ULK4: variants seen among roughly 807,000 people sequenced by gnomAD.
ULK4 encodes unc-51 like kinase 4, also known as inactive serine/threonine-protein kinase ULK4.
ULK4 carries 133 observed loss-of-function variants against 160.6 expected under a neutral mutation model. The ratio of observed to expected loss-of-function variants is 0.83; its 90% CI spans 0.72 to 0.96. ULK4 has a LOEUF of 0.96. ULK4 is among the 40% of genes least tolerant of loss of function. The probability of loss-of-function intolerance (pLI) is 0.00; values close to 1 mark genes in which losing one functional copy is unlikely to be tolerated. For synonymous variants in ULK4, 534 were observed against 539.8 expected, an observed-to-expected ratio of 0.99 and a Z score of 0.15; for missense variants, 1,580 against 1,499.5, an observed-to-expected ratio of 1.05 and a Z score of -0.89.
chr3:41,659,653 G>A (rs934138940), intron 30 of ULK4, among the ~76,000 whole-genome samples: 8 of 149,060 alleles, frequency 5.4e-5, no homozygotes, highest in Non-Finnish European at 1.0e-4. Flanking sequence ...AAACCCAAGG[G>A]AAAGAAATTT....
chr3:41,827,642 T>C (rs2041409491), intron 18 of ULK4, among the ~76,000 whole-genome samples: 1 of 152,096 alleles, frequency 6.6e-6, no homozygotes, highest in Non-Finnish European at 1.5e-5. Flanking sequence ...GGATCTGAAA[T>C]TGAGGCAATA....
At chr3:41,800,108 C>A (rs781333616) in intron 20 of ULK4, 24 bp downstream of exon 20, 4 of 1,546,416 alleles carry the variant, frequency 2.6e-6, no homozygotes, top group Non-Finnish European at 3.5e-6. Flanking sequence ...CCAGACATAT[C>A]CCCCAAAAGA....
intron 3 of ULK4, among the ~76,000 whole-genome samples, chr3:41,936,779 G>A (rs1451188646): frequency 6.6e-6 from 1 of 152,158 alleles, no homozygotes; most frequent in African/African-American, 2.4e-5. Flanking sequence ...AGGATAGTGG[G>A]GAGGTGGTGG....
At chr3:41,813,262 T>C (rs2125622574) in intron 19 of ULK4, among the ~76,000 whole-genome samples, 1 of 152,242 alleles carries the variant, frequency 6.6e-6, no homozygotes, top group Middle Eastern at 3.4e-3. Context: ...CGTTTACCTA[T>C]GTAACAATCC....
intron 35 of ULK4, among the ~76,000 whole-genome samples, chr3:41,362,033 C>T (rs2081156678): frequency 6.6e-6 from 1 of 152,154 alleles, no homozygotes; most frequent in African/African-American, 2.4e-5. Context: ...TAAAGCTTAT[C>T]TTACTGCCCT....
intron 31 of ULK4, among the ~76,000 whole-genome samples, chr3:41,597,058 C>T (rs896808795): frequency 6.6e-6 from 1 of 152,156 alleles, no homozygotes; most frequent in African/African-American, 2.4e-5. Context: ...GGACAGAGAA[C>T]AGGCCACCCC....
At chr3:41,704,937 T>C in intron 27 of ULK4, 120 bp downstream of exon 27, 3 of 688,620 alleles carry the variant, frequency 4.4e-6, no homozygotes, top group Non-Finnish European at 6.9e-6. Flanking sequence ...AGGGGGGTTC[T>C]GAATGGTTAT....
At chr3:41,615,186 G>A (rs1371304428) in intron 31 of ULK4, among the ~76,000 whole-genome samples, 2 of 152,042 alleles carry the variant, frequency 1.3e-5, no homozygotes, top group African/African-American at 4.8e-5. Flanking sequence ...ATTGTATTCT[G>A]TGAACAGAAA....
chr3:41,410,900 C>T (rs910845240), intron 34 of ULK4, among the ~76,000 whole-genome samples: 5 of 152,118 alleles, frequency 3.3e-5, no homozygotes, highest in African/African-American at 9.7e-5. Flanking sequence ...GAAAGGACAC[C>T]AGTCATATTG....
intron 22 of ULK4, among the ~76,000 whole-genome samples, chr3:41,740,037 A>G (rs2125878703): frequency 6.6e-6 from 1 of 152,030 alleles, no homozygotes; most frequent in African/African-American, 2.4e-5. Flanking sequence ...CCAAACTATC[A>G]GTATTTCCTT....
chr3:41,582,940 C>T lies in ULK4; in HGVS notation c.3121-16810G>A, dbSNP rs569591863. Among the ~76,000 whole-genome samples, 14 of 152,280 alleles carry T rather than the reference C, an allele frequency of 9.2e-5. No homozygotes were observed. In the East Asian group the frequency reaches 2.5e-3, roughly 27 times the overall value. On this transcript the variant is annotated intron_variant, in intron 31 of 36. Transcript: ENST00000301831. ...TAGAAACATTCATCAATAAGTCTTACTTTTGTTTTCAACTTTAGAATCAAA... is the reference window on the plus strand; with the variant it reads ...TAGAAACATTCATCAATAAGTCTTATTTTTGTTTTCAACTTTAGAATCAAA...
intron 30 of ULK4, among the ~76,000 whole-genome samples, chr3:41,643,110 G>C (rs1031991524): frequency 8.5e-5 from 13 of 152,114 alleles, no homozygotes; most frequent in Admixed American, 2.6e-4. Flanking sequence ...CAGATGAGTA[G>C]GTTGTGAAAA....
intron 30 of ULK4, among the ~76,000 whole-genome samples, chr3:41,628,718 C>T (rs1575499749): frequency 6.6e-6 from 1 of 152,046 alleles, no homozygotes; most frequent in African/African-American, 2.4e-5. Context: ...ATCTACAGTT[C>T]GGTTAACAGT....
rs79796449 is a variant in ULK4, at chr3:41,538,071, T to C, written c.3226+27954A>G. Among the ~76,000 whole-genome samples the C allele has an allele frequency of 3.3e-3, 497 of 152,290 alleles. 6 individuals are homozygous for C. The highest frequency in any genetic ancestry group is 0.01 in the African/African-American group (416 of 41,556). On this transcript the variant is annotated intron_variant, in intron 32 of 36. Transcript: ENST00000301831. ...GCAGTTCCTTCTCCTGTTTGTTACA[T>C]TGACATTTTCAAAGCCAAACCTCTT...
At chr3:41,496,541 T>C (rs923203258) in intron 32 of ULK4, among the ~76,000 whole-genome samples, 5 of 151,950 alleles carry the variant, frequency 3.3e-5, no homozygotes, top group Non-Finnish European at 7.4e-5. Flanking sequence ...AAGTAAGAGC[T>C]TGAAGTTGGA....
chr3:41,489,751 C>T (rs2084679690), intron 32 of ULK4, among the ~76,000 whole-genome samples: 1 of 152,034 alleles, frequency 6.6e-6, no homozygotes, highest in African/African-American at 2.4e-5. Context: ...TCAAATCATC[C>T]CACTCCAGGA....
intron 1 of ULK4, among the ~76,000 whole-genome samples, chr3:41,961,437 A>C (rs1323857849): frequency 6.6e-6 from 1 of 151,434 alleles, no homozygotes; most frequent in African/African-American, 2.4e-5. Context: ...AGCCAAATCA[A>C]CCCCGAGATG....
intron 31 of ULK4, among the ~76,000 whole-genome samples, chr3:41,590,615 AAC>A (rs1279704169): frequency 6.6e-6 from 1 of 151,788 alleles, no homozygotes; most frequent in Non-Finnish European, 1.5e-5. Flanking sequence ...CAGCCTGGGC[AAC>A]AGAGAGGGAC....
At chr3:41,946,346 T>A (rs1700110783) in intron 2 of ULK4, among the ~76,000 whole-genome samples, 1 of 152,070 alleles carries the variant, frequency 6.6e-6, no homozygotes. Context: ...CAAAATAATC[T>A]ACAATGATAG....
Sources: gnomAD v4.1 joint callset for allele counts (sites outside exome capture counted in the v4.1 genomes callset) on GRCh38, gnomAD v4.1.1 for gene constraint, MANE v1.5 for transcripts, NCBI Gene and HGNC (gene_info 2026-07-23, HGNC 2026-07-21) for gene names.